Variants in P3H2 observed in about 807,000 individuals in gnomAD.
P3H2 encodes leprecan-like 1.
Under a neutral mutation model 87.0 loss-of-function variants are expected in P3H2, and 80 were observed. That is an observed-to-expected ratio of 0.92 (90% CI 0.77 to 1.11). P3H2 has a LOEUF of 1.11. Ranked by LOEUF, P3H2 falls within the 50% of genes least tolerant of loss-of-function variation. The pLI is 0.00. For missense variants in P3H2, 1,001 were observed against 923.9 expected, an observed-to-expected ratio of 1.08 and a Z score of -1.08; for synonymous variants, 367 against 359.3, an observed-to-expected ratio of 1.02 and a Z score of -0.24.
chr3:189,970,308 A>G (rs1410858160), intron 13 of P3H2, among the ~76,000 whole-genome samples: 2 of 143,416 alleles, frequency 1.4e-5, no homozygotes, highest in East Asian at 4.0e-4. Context: ...TTTTATATAT[A>G]TAATATATAT....
intron 1 of P3H2, among the ~76,000 whole-genome samples, chr3:190,077,453 C>A (rs114470993): frequency 0.021 from 3,180 of 152,290 alleles, 104 homozygotes; most frequent in African/African-American, 0.072. Context: ...CTTTTTTACA[C>A]ACAAACATTT....
chr3:190,114,948 T>A (rs927301623), intron 1 of P3H2, among the ~76,000 whole-genome samples: 2 of 152,240 alleles, frequency 1.3e-5, no homozygotes, highest in African/African-American at 4.8e-5. Flanking sequence ...TATGATGCAC[T>A]TGTCTGGGTT....
intron 1 of P3H2, among the ~76,000 whole-genome samples, chr3:190,021,020 A>G (rs1352862138): frequency 1.5e-5 from 2 of 134,524 alleles, no homozygotes; most frequent in African/African-American, 5.1e-5. Context: ...AGTCACTTGG[A>G]AAAATCTGAG....
chr3:190,077,243 C>G (rs1252353287), intron 1 of P3H2, among the ~76,000 whole-genome samples: 1 of 152,212 alleles, frequency 6.6e-6, no homozygotes, highest in African/African-American at 2.4e-5. Flanking sequence ...CCTAGCAACA[C>G]TGAACATTTT....
intron 1 of P3H2, among the ~76,000 whole-genome samples, chr3:190,057,055 G>T (rs756633800): frequency 6.6e-6 from 1 of 152,192 alleles, no homozygotes; most frequent in African/African-American, 2.4e-5. Context: ...GAGAGAAGGG[G>T]AAGTGGGGAA....
chr3:190,068,422 G>A (rs1726583475), intron 1 of P3H2, among the ~76,000 whole-genome samples: 1 of 152,112 alleles, frequency 6.6e-6, no homozygotes, highest in Non-Finnish European at 1.5e-5. Flanking sequence ...ACATGAGGGT[G>A]GACTCAGCCC....
chr3:190,025,195 T>A (rs1190740520), intron 1 of P3H2, among the ~76,000 whole-genome samples: 1 of 152,158 alleles, frequency 6.6e-6, no homozygotes, highest in Admixed American at 6.5e-5. Context: ...TTTTTCTTTT[T>A]GCCTCTAACA....
chr3:190,104,864 G>A (rs1399337290), intron 1 of P3H2, among the ~76,000 whole-genome samples: 2 of 152,140 alleles, frequency 1.3e-5, no homozygotes, highest in African/African-American at 4.8e-5. Flanking sequence ...TTCCATGCAT[G>A]TGTGTTCTGG....
chr3:189,970,641 G>T (rs1022268941), intron 13 of P3H2, among the ~76,000 whole-genome samples, 175 bp downstream of exon 13: 1 of 151,994 alleles, frequency 6.6e-6, no homozygotes, highest in Non-Finnish European at 1.5e-5. Context: ...CAACGTACTA[G>T]ATTTTTATGG....
rs534063729 is a variant in P3H2 at position 190,019,137 on chromosome 3, A to C, written c.481-23695T>G. Among the ~76,000 whole-genome samples the C allele has an allele frequency of 6.3e-4, 96 of 152,274 alleles. 1 individual carries two copies. Among genetic ancestry groups the C allele is most frequent in the South Asian group, 6.2e-3 (30 of 4,828 alleles). On this transcript the variant is annotated intron_variant, in intron 1 of 14. Coordinates refer to ENST00000319332, the MANE Select transcript of P3H2 (RefSeq NM_018192.4). Reference sequence around the variant, plus strand: ...AAGATTCAATGCAGTCACTTTTCTGACTTGGCATTTAAGGAAGGGCTAGTT... The same window carrying C: ...AAGATTCAATGCAGTCACTTTTCTGCCTTGGCATTTAAGGAAGGGCTAGTT...
intron 8 of P3H2, among the ~76,000 whole-genome samples, chr3:189,978,669 C>T (rs1005745889): frequency 1.3e-5 from 2 of 151,780 alleles, no homozygotes; most frequent in African/African-American, 4.8e-5. Flanking sequence ...AAAAACGACC[C>T]ATCACCCATC....
chr3:190,105,619 A>C (rs1325457007), intron 1 of P3H2, among the ~76,000 whole-genome samples: 1 of 152,190 alleles, frequency 6.6e-6, no homozygotes, highest in Non-Finnish European at 1.5e-5. Context: ...GATACACTGG[A>C]AGTAATTCCT....
chr3:189,987,786 T>C, intron 4 of P3H2, 117 bp from the exon 5 acceptor site: 23 of 1,111,088 alleles, frequency 2.1e-5, no homozygotes, highest in Non-Finnish European at 3.0e-5. Context: ...AGAGGGAAGA[T>C]AAATTGAGGC....
At chr3:189,999,681 G>A (rs1305287457) in intron 1 of P3H2, among the ~76,000 whole-genome samples, 3 of 152,160 alleles carry the variant, frequency 2.0e-5, no homozygotes, top group Admixed American at 6.5e-5. Flanking sequence ...GAGCGAGTAA[G>A]TCTAATATGG....
chr3:190,028,474 G>C (rs1725151157), intron 1 of P3H2, among the ~76,000 whole-genome samples: 1 of 152,148 alleles, frequency 6.6e-6, no homozygotes, highest in African/African-American at 2.4e-5. Context: ...CTTTTCTGTT[G>C]ACACACAATT....
At chr3:190,015,010 T>A (rs1724706792) in intron 1 of P3H2, among the ~76,000 whole-genome samples, 1 of 152,124 alleles carries the variant, frequency 6.6e-6, no homozygotes, top group Non-Finnish European at 1.5e-5. Flanking sequence ...GATGATTTTA[T>A]TTCATTATTA....
chr3:190,116,721 C>A (rs1170857213), intron 1 of P3H2: 3 of 152,132 alleles, frequency 2.0e-5, no homozygotes, highest in African/African-American at 7.2e-5. Flanking sequence ...GCAGAGAATG[C>A]AATGATAAAA....
intron 1 of P3H2, among the ~76,000 whole-genome samples, chr3:190,106,159 A>T (rs1201593942): frequency 6.6e-6 from 1 of 152,010 alleles, no homozygotes; most frequent in Non-Finnish European, 1.5e-5. Context: ...GAGTCCATTT[A>T]AAAAAAATAC....
At position 190,120,550 on chromosome 3, in the gene P3H2, T is replaced by C; in HGVS notation, c.182A>G (p.Glu61Gly). ...CGCTTCCAAGTCGCGCACCGCTCGC[T>C]CGTAGTCTCCGCTGTAGTAGGCGGC... ...GAAAYYSGDYERAVRDLEAAL... is the reference protein window; with the variant it reads ...GAAAYYSGDYGRAVRDLEAAL... Residue 61 changes from glutamate to glycine, a missense_variant, in exon 1 of 15, where the codon GAG becomes GGG. Coordinates refer to ENST00000319332, the MANE Select transcript of P3H2 (RefSeq NM_018192.4). The C allele has an allele frequency of 6.6e-7, 1 of 1,526,096 alleles. No individual in the cohort carries two copies. The highest frequency in any genetic ancestry group is 8.7e-7 in the Non-Finnish European group (1 of 1,146,302). 94.5% of individuals were successfully genotyped at this position (1,526,096 alleles called of 1,614,324 possible).
Sources: allele counts gnomAD v4.1 joint callset (sites outside exome capture counted in the v4.1 genomes callset), GRCh38; gene constraint gnomAD v4.1.1; transcripts MANE v1.5; gene names NCBI Gene and HGNC (gene_info 2026-07-23, HGNC 2026-07-21).